Variants in CFAP61 observed in about 807,000 individuals in gnomAD.
CFAP61 encodes the protein cilia- and flagella-associated protein 61.
CFAP61 carries 107 observed loss-of-function variants against 135.6 expected under a neutral mutation model. The observed-to-expected ratio is 0.79, with a 90% CI of 0.67 to 0.93. The LOEUF (loss-of-function observed/expected upper bound fraction) is 0.93. CFAP61 is among the 40% of genes least tolerant of loss of function. CFAP61 has a pLI of 0.00. For missense variants in CFAP61, 1,507 were observed against 1,556.2 expected (o/e 0.97, Z 0.53); for synonymous variants, 575 against 578.5 (o/e 0.99, Z 0.09).
chr20:20,227,515 T>C (rs1333785366), intron 17 of CFAP61, among the ~76,000 whole-genome samples: 1 of 152,258 alleles, frequency 6.6e-6, no homozygotes, highest in Non-Finnish European at 1.5e-5. Context: ...AACTTTACTT[T>C]GCACATTTAA....
At chr20:20,235,886 C>G (rs1212529607) in intron 18 of CFAP61, among the ~76,000 whole-genome samples, 5 of 152,140 alleles carry the variant, frequency 3.3e-5, no homozygotes, top group Non-Finnish European at 7.3e-5. Flanking sequence ...CCGTGAGCCT[C>G]TGTGTGAGAC....
chr20:20,117,299 G>A (rs10154025), intron 8 of CFAP61, among the ~76,000 whole-genome samples: 19,224 of 152,022 alleles, frequency 0.13, 1,388 homozygotes, highest in Non-Finnish European at 0.15. Context: ...AGTTGAGATC[G>A]TGCCACTGCA....
At chr20:20,207,018 A>C (rs1226869496) in intron 17 of CFAP61, among the ~76,000 whole-genome samples, 2 of 152,076 alleles carry the variant, frequency 1.3e-5, no homozygotes, top group East Asian at 3.9e-4. Flanking sequence ...CCACCACTCC[A>C]AGAGAGCTTC....
chr20:20,326,313 T>G (rs2057746366), intron 25 of CFAP61, among the ~76,000 whole-genome samples: 1 of 152,196 alleles, frequency 6.6e-6, no homozygotes, highest in African/African-American at 2.4e-5. Context: ...TTGATATCTT[T>G]TTTTATAAAG....
Position 20,359,075 on chromosome 20 carries a change from A to C in CFAP61, c.3514-1135A>C, listed in dbSNP as rs796836838. 2.0e-5 allele frequency among the ~76,000 whole-genome samples: 3 copies of C among 152,320 alleles called. No homozygotes were observed. The highest frequency in any genetic ancestry group is 7.2e-5 in the African/African-American group (3 of 41,576). ...CTGTGGAGTCCAGGTGCAGGTGTGCAGGTGTTCAGTGGACAATTCTTCAAC... is the reference window on the plus strand; with the variant it reads ...CTGTGGAGTCCAGGTGCAGGTGTGCCGGTGTTCAGTGGACAATTCTTCAAC... On this transcript the variant is annotated intron_variant, in intron 26 of 26. Coordinates refer to ENST00000245957, the MANE Select transcript of CFAP61 (RefSeq NM_015585.4). This position sits in a 1 kb window ranked among gnomAD's most constrained non-coding sequence, Gnocchi z 4.0.
At chr20:20,319,193 A>G (rs1388012450) in intron 25 of CFAP61, among the ~76,000 whole-genome samples, 1 of 152,242 alleles carries the variant, frequency 6.6e-6, no homozygotes, top group Non-Finnish European at 1.5e-5. Context: ...TCTTCCAGGA[A>G]TAATGAGAAG....
At chr20:20,067,337 G>A (rs2045348670) in intron 2 of CFAP61, among the ~76,000 whole-genome samples, 1 of 151,986 alleles carries the variant, frequency 6.6e-6, no homozygotes, top group Non-Finnish European at 1.5e-5. Flanking sequence ...AATCCCAGCA[G>A]TTTGGGAGGT....
intron 18 of CFAP61, among the ~76,000 whole-genome samples, chr20:20,242,092 C>T (rs1211518372): frequency 3.3e-5 from 5 of 152,144 alleles, no homozygotes; most frequent in Admixed American, 2.6e-4. Flanking sequence ...TTCTGGCCTG[C>T]GCCATCACCA....
At chr20:20,202,104 A>G (rs554352907) in intron 17 of CFAP61, among the ~76,000 whole-genome samples, 1 of 152,024 alleles carries the variant, frequency 6.6e-6, no homozygotes, top group Non-Finnish European at 1.5e-5. Flanking sequence ...CCAGGTTGCT[A>G]TGATCCGAAA....
intron 17 of CFAP61, among the ~76,000 whole-genome samples, chr20:20,202,759 C>A (rs1190386255): frequency 1.3e-5 from 2 of 152,086 alleles, no homozygotes; most frequent in Non-Finnish European, 2.9e-5. Context: ...TCCCACCGCC[C>A]CCCCGCCACA....
intron 17 of CFAP61, among the ~76,000 whole-genome samples, chr20:20,205,096 T>C (rs567049580): frequency 6.6e-5 from 10 of 152,260 alleles, no homozygotes; most frequent in African/African-American, 2.4e-4. Flanking sequence ...TAAGTGTCTA[T>C]TATATGAATA....
At chr20:20,304,640 C>G (rs1005489468) in intron 25 of CFAP61, among the ~76,000 whole-genome samples, 2 of 151,888 alleles carry the variant, frequency 1.3e-5, no homozygotes, top group African/African-American at 4.8e-5. Flanking sequence ...CCCCGCCTGC[C>G]AACTCCCTTG....
rs1569246306 is a variant in CFAP61, at chr20:20,288,601, C to T, written c.2797-8C>T. 1 of 1,606,442 alleles carries T rather than the reference C, an allele frequency of 6.2e-7. No homozygotes were observed. The highest frequency in any genetic ancestry group is 8.5e-7 in the Non-Finnish European group (1 of 1,173,378). On this transcript the variant is annotated splice_region_variant and splice_polypyrimidine_tract_variant and intron_variant, in intron 22 of 26. Coordinates refer to ENST00000245957, the MANE Select transcript of CFAP61 (RefSeq NM_015585.4). ...AACTGAATATTGCTGTAATTGTTCA[C>T]TTCGTAGATGTTCTTCAGCTTCTGT...
intron 26 of CFAP61, among the ~76,000 whole-genome samples, chr20:20,356,085 A>ACACTGTGAGGGGAGG (rs2059135523): frequency 2.1e-5 from 2 of 94,560 alleles, no homozygotes; most frequent in African/African-American, 4.5e-5. Context: ...GTGAGCAGAG[A>ACACTGTGAGGGGAGG]TGGTCACACT....
intron 25 of CFAP61, among the ~76,000 whole-genome samples, chr20:20,305,857 G>C (rs1056257644): frequency 6.6e-6 from 1 of 152,150 alleles, no homozygotes; most frequent in African/African-American, 2.4e-5. Flanking sequence ...CCATGCCTTG[G>C]CCTTCTTACT....
At chr20:20,182,302 TG>T (rs1377150022) in intron 13 of CFAP61, among the ~76,000 whole-genome samples, 1 of 152,216 alleles carries the variant, frequency 6.6e-6, no homozygotes, top group Non-Finnish European at 1.5e-5. Flanking sequence ...TAGTGTTTTT[TG>T]TTGAGAATAA....
intron 7 of CFAP61, among the ~76,000 whole-genome samples, chr20:20,093,843 G>C (rs987742620): frequency 6.6e-6 from 1 of 152,048 alleles, no homozygotes; most frequent in African/African-American, 2.4e-5. Context: ...TCTTTTGGGG[G>C]TGAGACACAA....
At chr20:20,342,313 A>G (rs1326839162) in intron 26 of CFAP61, among the ~76,000 whole-genome samples, 2 of 152,178 alleles carry the variant, frequency 1.3e-5, no homozygotes, top group Non-Finnish European at 2.9e-5. Flanking sequence ...TTAAAGATGT[A>G]CAGGGAAGCC....
chr20:20,143,892 G>A (rs2051628694), intron 9 of CFAP61, among the ~76,000 whole-genome samples: 1 of 152,204 alleles, frequency 6.6e-6, no homozygotes, highest in African/African-American at 2.4e-5. Context: ...GCCAGGCTGA[G>A]AAAAGAACCT....
Sources: gnomAD v4.1 joint callset for allele counts (sites outside exome capture counted in the v4.1 genomes callset) on GRCh38, gnomAD v4.1.1 for gene constraint, Gnocchi (gnomAD v3.1) non-coding constraint, MANE v1.5 for transcripts, NCBI Gene and HGNC (gene_info 2026-07-23, HGNC 2026-07-21) for gene names.